Variants in SEMA3A observed in about 807,000 individuals in gnomAD.
The protein encoded by SEMA3A is semaphorin 3A, also known as semaphorin-3A.
In SEMA3A, 29 loss-of-function variants were observed where a neutral mutation model predicts 97.9. The observed-to-expected ratio is 0.30, with a 90% CI of 0.22 to 0.40. The LOEUF (loss-of-function observed/expected upper bound fraction) is 0.40, where lower values mean the gene tolerates loss of function less well. SEMA3A is among the 10% of genes least tolerant of loss of function. The probability of loss-of-function intolerance (pLI) is 1.00; values close to 1 mark genes in which losing one functional copy is unlikely to be tolerated. For missense variants in SEMA3A, 763 were observed against 951.3 expected (o/e 0.80, Z 2.60); for synonymous variants, 321 against 323.7 (o/e 0.99, Z 0.09).
intron 3 of SEMA3A, among the ~76,000 whole-genome samples, chr7:84,117,580 C>A (rs1471952493): frequency 6.6e-6 from 1 of 152,118 alleles, no homozygotes; most frequent in African/African-American, 2.4e-5. Flanking sequence ...CTCGTAGGAG[C>A]GTGAACACTT....
chr7:83,970,946 T>C (rs575593416), intron 15 of SEMA3A, among the ~76,000 whole-genome samples: 1 of 152,304 alleles, frequency 6.6e-6, no homozygotes, highest in East Asian at 1.9e-4. Flanking sequence ...CTACATGATT[T>C]TCTGCAGAAA....
At chr7:84,426,688 C>T (rs1335534799) in intron 1 of SEMA3A, among the ~76,000 whole-genome samples, 4 of 151,842 alleles carry the variant, frequency 2.6e-5, no homozygotes, top group Non-Finnish European at 5.9e-5. Flanking sequence ...TTTCCTTTTT[C>T]ACTATTAGCT....
intron 2 of SEMA3A, among the ~76,000 whole-genome samples, chr7:84,369,541 C>T (rs1562922671): frequency 6.6e-6 from 1 of 151,006 alleles, no homozygotes; most frequent in Non-Finnish European, 1.5e-5. Context: ...TTATATTGAA[C>T]AGTCTTTTTA....
intron 1 of SEMA3A, among the ~76,000 whole-genome samples, chr7:84,467,054 G>T (rs1232789948): frequency 6.6e-6 from 1 of 152,010 alleles, no homozygotes; most frequent in Non-Finnish European, 1.5e-5. Context: ...ACTTTTTCGG[G>T]ATTTTGGTAT....
At chr7:84,369,221 A>C (rs2116094570) in intron 2 of SEMA3A, among the ~76,000 whole-genome samples, 1 of 151,054 alleles carries the variant, frequency 6.6e-6, no homozygotes, top group South Asian at 2.1e-4. Flanking sequence ...CTTTCTTATA[A>C]ATATGTATTT....
At chr7:84,285,756 C>A (rs10236509) in intron 3 of SEMA3A, among the ~76,000 whole-genome samples, 8,685 of 151,904 alleles carry the variant, frequency 0.057, 288 homozygotes, top group African/African-American at 0.095. Flanking sequence ...GACTGGGCAA[C>A]ATAGTGAAAC....
intron 1 of SEMA3A, among the ~76,000 whole-genome samples, chr7:84,141,191 TGG>T (rs1796281655): frequency 6.6e-6 from 1 of 152,140 alleles, no homozygotes; most frequent in South Asian, 2.1e-4. Flanking sequence ...TTTATTTATT[TGG>T]TGATGCCGAG....
At chr7:84,131,853 T>C (rs13246393) in intron 2 of SEMA3A, among the ~76,000 whole-genome samples, 46,817 of 151,946 alleles carry the variant, frequency 0.31, 8,114 homozygotes, top group African/African-American at 0.48. Context: ...AATGCAGTGG[T>C]ATGATCACAG....
chr7:84,298,205 T>C (rs1170589687), intron 3 of SEMA3A, among the ~76,000 whole-genome samples: 2 of 152,132 alleles, frequency 1.3e-5, no homozygotes, highest in Admixed American at 6.6e-5. Context: ...CGGAAACATA[T>C]TGCCATCATT....
rs1788297866 is a variant in SEMA3A at position 83,956,949 on chromosome 7, G to A, written c.*4422C>T. The A allele has an allele frequency of 6.6e-6, 1 of 150,840 alleles. No homozygotes were observed. The highest frequency in any genetic ancestry group is 2.1e-4 in the South Asian group (1 of 4,784). The allele number at this position is 150,840 out of a possible 1,614,324, so 9.3% of individuals were successfully genotyped here. A position where few individuals can be genotyped will look rare whatever the true frequency, so the allele number is the denominator to read the frequency against. ...TTCTTTGATCCATACCGCTCTTATT[G>A]TGAGCTTGTATTTGGCAATTGTCAT... On this transcript the variant is annotated 3_prime_UTR_variant, in exon 17 of 17. Transcript: ENST00000265362.
At chr7:84,399,242 C>A (rs1006157742) in intron 1 of SEMA3A, among the ~76,000 whole-genome samples, 4 of 152,140 alleles carry the variant, frequency 2.6e-5, no homozygotes, top group African/African-American at 7.2e-5. Flanking sequence ...TTAGAATAGC[C>A]CTGGACCTGA....
At chr7:84,466,808 CTGTAGTTCCCCTT>C (rs1806011178) in intron 1 of SEMA3A, among the ~76,000 whole-genome samples, 1 of 152,168 alleles carries the variant, frequency 6.6e-6, no homozygotes, top group Non-Finnish European at 1.5e-5. Context: ...CCTCTCCTAC[CTGTAGTTCCCCTT>C]TGTGAGCTTG....
intron 14 of SEMA3A, among the ~76,000 whole-genome samples, chr7:83,980,236 C>T (rs1268938869): frequency 1.3e-5 from 2 of 151,940 alleles, no homozygotes; most frequent in Admixed American, 6.6e-5. Flanking sequence ...AAAGAGTTAT[C>T]TTAGCAACTT....
intron 3 of SEMA3A, among the ~76,000 whole-genome samples, chr7:84,257,331 G>A (rs1799740100): frequency 6.6e-6 from 1 of 151,776 alleles, no homozygotes; most frequent in Non-Finnish European, 1.5e-5. Flanking sequence ...CCCATCTGCA[G>A]TTCAGATCTA....
In SEMA3A at chr7:84,208,315, G is replaced by A. The variant is rs540675405; in HGVS notation, c.-82-13647C>T. ...AAAATACAAAAAATTAGCTGGGTGT[G>A]GTGGCGGGCGCCTGTAATCCCAGCT... is the stretch of plus-strand genomic sequence containing the variant. On this transcript the variant is annotated intron_variant, in intron 3 of 3. Coordinates refer to the SEMA3A transcript ENST00000424555. Among the ~76,000 whole-genome samples, 320 of 151,958 alleles carry A rather than the reference G, an allele frequency of 2.1e-3. 1 individual carries two copies. Among genetic ancestry groups the A allele is most frequent in the African/African-American group, 7.2e-3 (297 of 41,458 alleles).
intron 12 of SEMA3A, among the ~76,000 whole-genome samples, chr7:84,001,524 C>T (rs1790451174): frequency 1.3e-5 from 2 of 151,836 alleles, no homozygotes. Context: ...ATAATTCATA[C>T]GTAAGCTAAA....
At chr7:84,227,711 C>T (rs1799021601) in intron 3 of SEMA3A, among the ~76,000 whole-genome samples, 1 of 151,956 alleles carries the variant, frequency 6.6e-6, no homozygotes, top group African/African-American at 2.4e-5. Flanking sequence ...CTATGTAGGA[C>T]CACCTGTGTG....
chr7:84,353,766 T>A (rs1162337118), intron 2 of SEMA3A, among the ~76,000 whole-genome samples: 1 of 151,682 alleles, frequency 6.6e-6, no homozygotes, highest in Non-Finnish European at 1.5e-5. Flanking sequence ...GGGGGGAGGA[T>A]AAGGAAGCAT....
chr7:83,974,755 A>G (rs557735910), intron 15 of SEMA3A, among the ~76,000 whole-genome samples: 3 of 152,162 alleles, frequency 2.0e-5, no homozygotes, highest in African/African-American at 7.2e-5. Flanking sequence ...TATGGTGTAT[A>G]TGGTTTATGT....
Sources: gnomAD v4.1 joint callset for allele counts (sites outside exome capture counted in the v4.1 genomes callset) on GRCh38, gnomAD v4.1.1 for gene constraint, MANE v1.5 for transcripts, NCBI Gene and HGNC (gene_info 2026-07-23, HGNC 2026-07-21) for gene names.